Variants in SNX29 observed in about 807,000 individuals in gnomAD.
The protein encoded by SNX29 is sorting nexin 29.
In SNX29, 78 loss-of-function variants were observed where a neutral mutation model predicts 102.1. That is an observed-to-expected ratio of 0.76 (90% CI 0.64 to 0.92). SNX29 has a LOEUF of 0.92. SNX29 is among the 40% of genes least tolerant of loss of function. SNX29 has a pLI of 0.00. For synonymous variants in SNX29, 580 were observed against 414.5 expected (o/e 1.40, Z -4.85); for missense variants, 1,280 against 1,061.7 (o/e 1.21, Z -2.86).
chr16:12,085,396 G>A (rs564397520), intron 11 of SNX29, among the ~76,000 whole-genome samples: 14 of 152,220 alleles, frequency 9.2e-5, no homozygotes, highest in South Asian at 6.2e-4. Context: ...GTGTAATCTC[G>A]GCTCACTGCA....
intron 16 of SNX29, among the ~76,000 whole-genome samples, chr16:12,366,117 T>C (rs1382200771): frequency 6.6e-6 from 1 of 151,308 alleles, no homozygotes; most frequent in Non-Finnish European, 1.5e-5. Flanking sequence ...CTTCATATAT[T>C]TTTAAAAAAG....
At chr16:12,191,123 A>G (rs1287473556) in intron 13 of SNX29, among the ~76,000 whole-genome samples, 2 of 152,202 alleles carry the variant, frequency 1.3e-5, no homozygotes, top group Middle Eastern at 3.4e-3. Context: ...TTAGATTTTT[A>G]TAGGGAGTGT....
chr16:12,506,813 C>G (rs1474758008), intron 19 of SNX29, among the ~76,000 whole-genome samples: 4 of 151,870 alleles, frequency 2.6e-5, no homozygotes, highest in African/African-American at 4.8e-5. Flanking sequence ...ACTAACCACA[C>G]TTCCCTCCCA....
intron 16 of SNX29, among the ~76,000 whole-genome samples, chr16:12,362,564 C>T (rs752554304): frequency 5.1e-3 from 307 of 60,132 alleles, no homozygotes; most frequent in African/African-American, 8.0e-3. Context: ...CCCCCCCCAC[C>T]CCCCCCCCCA....
intron 14 of SNX29, among the ~76,000 whole-genome samples, chr16:12,211,926 C>G (rs1043725895): frequency 2.6e-5 from 4 of 152,294 alleles, no homozygotes; most frequent in African/African-American, 9.6e-5. Flanking sequence ...TATCTGGGTA[C>G]TGTGACCTAG....
chr16:12,456,239 A>G (rs2086531963), intron 18 of SNX29, among the ~76,000 whole-genome samples: 1 of 152,240 alleles, frequency 6.6e-6, no homozygotes, highest in Non-Finnish European at 1.5e-5. Flanking sequence ...CGTTCAGTGG[A>G]GAGAGGACAG....
rs557080956 is a variant in SNX29 at position 12,397,068 on chromosome 16, T to A, written c.1900-1378T>A. 3.5e-4 allele frequency among the ~76,000 whole-genome samples: 54 copies of A among 152,284 alleles called. No homozygotes were observed. The South Asian group carries it at 0.011, about 30-fold the overall frequency. ...GCCTGGCTAATGTTTTTTTCCATTA[T>A]TTTTAGGAGAGACAAGGTCTTGCTG... On this transcript the variant is annotated intron_variant, in intron 16 of 20. Coordinates refer to ENST00000566228, the MANE Select transcript of SNX29 (RefSeq NM_032167.5).
At chr16:12,299,849 C>T (rs1007394896) in intron 15 of SNX29, among the ~76,000 whole-genome samples, 2 of 146,636 alleles carry the variant, frequency 1.4e-5, no homozygotes. Flanking sequence ...CACTAGAAAT[C>T]TCTTAATGGC....
Position 12,129,718 on chromosome 16 carries a change from CAGG to C in SNX29, c.1561_1563del (p.Glu521del). On this transcript the variant is annotated inframe_deletion, in exon 13 of 21. Coordinates refer to ENST00000566228, the MANE Select transcript of SNX29 (RefSeq NM_032167.5). ...CACCTTGAAAAGGAAGGTGGCTGAA[CAGG>C]AGGAGCGGCAGGGCATGAAGGTCCA... is the stretch of plus-strand genomic sequence containing the variant. 1 of 1,610,440 alleles carries C rather than the reference CAGG, an allele frequency of 6.2e-7. No individual in the cohort carries two copies. Among genetic ancestry groups the C allele is most frequent in the East Asian group, 2.2e-5 (1 of 44,844 alleles).
At chr16:11,996,285 G>A (rs958040493) in intron 1 of SNX29, among the ~76,000 whole-genome samples, 1 of 152,194 alleles carries the variant, frequency 6.6e-6, no homozygotes, top group Non-Finnish European at 1.5e-5. Flanking sequence ...TCGGAGGGCT[G>A]AGGCAGGAGA....
At chr16:12,540,670 C>G (rs1013715647) in intron 20 of SNX29, among the ~76,000 whole-genome samples, 1 of 152,216 alleles carries the variant, frequency 6.6e-6, no homozygotes, top group East Asian at 1.9e-4. Context: ...GTAACCACAG[C>G]TGCTGGTCCC....
chr16:12,521,634 A>G (rs963784312), intron 19 of SNX29, among the ~76,000 whole-genome samples: 1 of 152,208 alleles, frequency 6.6e-6, no homozygotes, highest in African/African-American at 2.4e-5. Flanking sequence ...TTCCTGTAGC[A>G]GAGTCTATCA....
At chr16:12,247,831 T>C (rs1315353131) in intron 14 of SNX29, among the ~76,000 whole-genome samples, 1 of 152,198 alleles carries the variant, frequency 6.6e-6, no homozygotes, top group Admixed American at 6.5e-5. Context: ...TATGACCACA[T>C]GTGCTTCTTA....
At chr16:12,212,426 C>T (rs1045944795) in intron 14 of SNX29, among the ~76,000 whole-genome samples, 1 of 152,152 alleles carries the variant, frequency 6.6e-6, no homozygotes, top group African/African-American at 2.4e-5. Flanking sequence ...AAGCCATTGC[C>T]TGGAAGAGGA....
chr16:12,381,192 C>T lies in SNX29; in HGVS notation c.1900-17254C>T, dbSNP rs1033949742. 4.3e-3 allele frequency among the ~76,000 whole-genome samples: 50 copies of T among 11,524 alleles called. 1 individual carries two copies. The highest frequency in any genetic ancestry group is 0.035 in the African/African-American group (48 of 1,390). 7.6% of individuals were successfully genotyped at this position (11,524 alleles called of 152,430 possible). A position where few individuals can be genotyped will look rare whatever the true frequency, so the allele number is the denominator to read the frequency against. On this transcript the variant is annotated intron_variant, in intron 16 of 20. Coordinates refer to ENST00000566228, the MANE Select transcript of SNX29 (RefSeq NM_032167.5). ...TCCATCCACCCACCCACCATCCACC[C>T]ACCGACCCACCTACCATCCACCCAC...
intron 19 of SNX29, among the ~76,000 whole-genome samples, chr16:12,501,924 C>T (rs2089144227): frequency 6.6e-6 from 1 of 152,052 alleles, no homozygotes; most frequent in African/African-American, 2.4e-5. Context: ...AGCTAAGAAG[C>T]AACAGGCAGA....
chr16:12,128,143 A>G (rs2054299100), intron 12 of SNX29, among the ~76,000 whole-genome samples: 1 of 152,204 alleles, frequency 6.6e-6, no homozygotes, highest in Non-Finnish European at 1.5e-5. Context: ...TTTAGACCGC[A>G]CCATTTTCCA....
At chr16:12,167,335 G>A (rs1345040950) in intron 13 of SNX29, among the ~76,000 whole-genome samples, 4 of 152,092 alleles carry the variant, frequency 2.6e-5, no homozygotes, top group African/African-American at 9.7e-5. Flanking sequence ...GGTGGCTGTG[G>A]GGGCCACCTG....
chr16:12,467,262 T>C (rs894818810), intron 18 of SNX29, among the ~76,000 whole-genome samples: 2 of 152,214 alleles, frequency 1.3e-5, no homozygotes, highest in African/African-American at 4.8e-5. Context: ...CCTTTTCTCT[T>C]AGAGACATAC....
Sources: gnomAD v4.1 joint callset for allele counts (sites outside exome capture counted in the v4.1 genomes callset) on GRCh38, gnomAD v4.1.1 for gene constraint, MANE v1.5 for transcripts, NCBI Gene and HGNC (gene_info 2026-07-23, HGNC 2026-07-21) for gene names.